The following NECTIN1 variants were observed in gnomAD, a reference collection of about 807,000 sequenced individuals.
NECTIN1 encodes the protein nectin-1.
A neutral mutation model predicts 48.0 loss-of-function variants in NECTIN1; 23 were observed. The ratio of observed to expected loss-of-function variants is 0.48; its 90% CI spans 0.34 to 0.68. The LOEUF (loss-of-function observed/expected upper bound fraction) is 0.68. Ranked by LOEUF, NECTIN1 falls within the 30% of genes least tolerant of loss-of-function variation. The pLI is 0.01. For missense variants in NECTIN1, 591 were observed against 709.9 expected (o/e 0.83, Z 1.90); for synonymous variants, 270 against 288.9 (o/e 0.93, Z 0.66).
In NECTIN1 at chr11:119,677,485, AAGGAGAGGAGGAGGG is replaced by A. The variant is rs1864974463; in HGVS notation, c.733+55_733+69del. On this transcript the variant is annotated intron_variant, in intron 3 of 5. Transcript: ENST00000264025. The surrounding 1 kb of genome is among the most constrained non-coding windows in gnomAD (Gnocchi z 5.4). ...CCCCCAGAAAGAGAAAGGGAGGAGAAAGGAGAGGAGGAGGGAGGAGGGACAGTGGCGCCCACCCCA... is the reference window on the plus strand; with the variant it reads ...CCCCCAGAAAGAGAAAGGGAGGAGAAAGGAGGGACAGTGGCGCCCACCCCA... 6.6e-7 allele frequency: 1 copy of A among 1,525,926 alleles called. No homozygotes were observed. Among genetic ancestry groups the A allele is most frequent in the Admixed American group, 1.7e-5 (1 of 59,640 alleles). The allele number at this position is 1,525,926 out of a possible 1,614,324, so 94.5% of individuals were successfully genotyped here.
intron 1 of NECTIN1, among the ~76,000 whole-genome samples, chr11:119,705,256 T>C (rs1865528665): frequency 1.3e-5 from 2 of 152,174 alleles, no homozygotes; most frequent in South Asian, 4.1e-4. Flanking sequence ...AGGGTATTCA[T>C]TTATTAAAAT....
intron 6 of NECTIN1, chr11:119,639,541 G>A (rs1257784731): frequency 1.2e-5 from 5 of 433,114 alleles, no homozygotes; most frequent in Non-Finnish European, 2.1e-5. Flanking sequence ...GTAAACTCTT[G>A]CAAATTATTT....
At chr11:119,704,129 C>A (rs539820812) in intron 1 of NECTIN1, among the ~76,000 whole-genome samples, 1 of 152,308 alleles carries the variant, frequency 6.6e-6, no homozygotes, top group African/African-American at 2.4e-5. Context: ...GTGCACCCCT[C>A]ACGCCCCACC....
chr11:119,641,587 C>T (rs1336619583), intron 5 of NECTIN1: 1 of 152,258 alleles, frequency 6.6e-6, no homozygotes, highest in Non-Finnish European at 1.5e-5. Flanking sequence ...CTTTCTTCCC[C>T]TTCTTTGCCA....
intron 1 of NECTIN1, among the ~76,000 whole-genome samples, chr11:119,682,542 C>T (rs1451411541): frequency 1.3e-5 from 2 of 152,186 alleles, no homozygotes; most frequent in Non-Finnish European, 2.9e-5. Flanking sequence ...CATTCCACCT[C>T]TGCCATTGAT....
At chr11:119,658,295 C>A (rs1864608790), downstream of NECTIN1, among the ~76,000 whole-genome samples, 2 of 152,246 alleles carry the variant, frequency 1.3e-5, no homozygotes, top group African/African-American at 4.8e-5. Flanking sequence ...AGCGCCTCAT[C>A]TGGGAGTAGT....
rs566061922 is a variant in NECTIN1, at chr11:119,712,569, T to A, written c.79+15906A>T. Among the ~76,000 whole-genome samples the A allele has an allele frequency of 8.6e-5, 13 of 151,148 alleles. No individual in the cohort carries two copies. In the South Asian group the frequency reaches 2.3e-3, roughly 27 times the overall value. On this transcript the variant is annotated intron_variant, in intron 1 of 5. Coordinates refer to ENST00000264025, the MANE Select transcript of NECTIN1 (RefSeq NM_002855.5). ...CTCAACCCTTCAAAAAGAGGGAAAC[T>A]TCAAAATCTTCAAAAAAAAAGGGGA... is the stretch of plus-strand genomic sequence containing the variant.
In NECTIN1 at chr11:119,677,441, A is replaced by G; in HGVS notation, c.733+114T>C. The G allele has an allele frequency of 8.1e-7, 1 of 1,230,658 alleles. No individual in the cohort carries two copies. The highest frequency in any genetic ancestry group is 1.2e-6 in the Non-Finnish European group (1 of 843,398). 76.2% of individuals were successfully genotyped at this position (1,230,658 alleles called of 1,614,324 possible). ...AGCAAAGGGAGGAGATAGGGGAGAC[A>G]GGAGGGGAGAAGAAAGCACCCCCAG... On this transcript the variant is annotated intron_variant, in intron 3 of 5. Transcript: ENST00000264025. This position sits in a 1 kb window ranked among gnomAD's most constrained non-coding sequence, Gnocchi z 5.4.
At chr11:119,696,443 G>A (rs1865342501) in intron 1 of NECTIN1, among the ~76,000 whole-genome samples, 1 of 152,218 alleles carries the variant, frequency 6.6e-6, no homozygotes. Flanking sequence ...CTGGGGTGGG[G>A]TTGGAGGAGG....
chr11:119,689,233 C>T (rs1477549670), intron 1 of NECTIN1, among the ~76,000 whole-genome samples: 1 of 152,198 alleles, frequency 6.6e-6, no homozygotes, highest in Admixed American at 6.5e-5. Context: ...GCGCTCCTCA[C>T]CCTGGGCCTG....
rs1290300459 is a variant in NECTIN1 at position 119,661,360 on chromosome 11, G to A, written c.*3387C>T. The A allele has an allele frequency of 1.0e-6, 1 of 986,512 alleles. No individual in the cohort carries two copies. Among genetic ancestry groups the A allele is most frequent in the Non-Finnish European group, 1.2e-6 (1 of 830,558 alleles). 61.1% of individuals were successfully genotyped at this position (986,512 alleles called of 1,614,324 possible). A position where few individuals can be genotyped will look rare whatever the true frequency, so the allele number is the denominator to read the frequency against. ...CACAAGCTGGGCAGTGTTGGCAGCA[G>A]TGGCAGCAGCAGAGGGGCCTGCCTC... is the stretch of plus-strand genomic sequence containing the variant. On this transcript the variant is annotated 3_prime_UTR_variant, in exon 6 of 6. Transcript: ENST00000264025.
At position 119,663,137 on chromosome 11, in the gene NECTIN1, C is replaced by G. The variant is rs114004441; in HGVS notation, c.*1610G>C. On this transcript the variant is annotated 3_prime_UTR_variant, in exon 6 of 6. Transcript: ENST00000264025. ...CCCAACACTTGCCATCCTGCAGAGC[C>G]CCTGACACCCTGGGGTGAGTTAACT... The G allele has an allele frequency of 3.4e-3, 3,396 of 985,540 alleles. 84 individuals carry two copies. The African/African-American group carries it at 0.054, about 16-fold the overall frequency. The allele number at this position is 985,540 out of a possible 1,614,324, so 61.0% of individuals were successfully genotyped here.
downstream of NECTIN1, among the ~76,000 whole-genome samples, chr11:119,657,185 G>A (rs868069368): frequency 6.6e-6 from 1 of 152,146 alleles, no homozygotes; most frequent in African/African-American, 2.4e-5. Context: ...GTTAACTCAT[G>A]GAATAACCCA....
rs544766816 is a variant in NECTIN1, at chr11:119,727,013, C to T, written c.79+1462G>A. 6.6e-6 allele frequency among the ~76,000 whole-genome samples: 1 copy of T among 152,220 alleles called. No individual in the cohort carries two copies. Among genetic ancestry groups the T allele is most frequent in the East Asian group, 1.9e-4 (1 of 5,180 alleles). On this transcript the variant is annotated intron_variant, in intron 1 of 5. Transcript: ENST00000264025. The surrounding 1 kb of genome is among the most constrained non-coding windows in gnomAD (Gnocchi z 4.1). ...TGACACCTGTGAGCCCTGGATTTTC[C>T]CCACCCCCCACATCGAGCAGGGCAG...
intron 5 of NECTIN1, among the ~76,000 whole-genome samples, chr11:119,666,685 CCA>C (rs1263094874): frequency 6.6e-6 from 1 of 152,242 alleles, no homozygotes; most frequent in Non-Finnish European, 1.5e-5. Context: ...ACGTAAAGGG[CCA>C]GTTTGCCCGT....
At position 119,709,043 on chromosome 11, in the gene NECTIN1, C is replaced by G. The variant is rs1159273707; in HGVS notation, c.79+19432G>C. 6.6e-6 allele frequency among the ~76,000 whole-genome samples: 1 copy of G among 152,036 alleles called. No homozygotes were observed. On this transcript the variant is annotated intron_variant, in intron 1 of 5. Transcript: ENST00000264025. The surrounding 1 kb of genome is among the most constrained non-coding windows in gnomAD (Gnocchi z 4.1). The stretch of plus-strand genomic sequence containing the variant: ...AGGGGGCACCGGAGAGATCCTGAGA[C>G]ACTCTACCCCCCACGCCCGCCCACA...
chr11:119,674,384 C>T (rs993100528), intron 5 of NECTIN1: 146 of 1,487,202 alleles, frequency 9.8e-5, no homozygotes, highest in Middle Eastern at 2.5e-4. Flanking sequence ...TGATGGAGGT[C>T]AGGGTAATAA....
chr11:119,668,335 G>A (rs1281721410), intron 5 of NECTIN1, among the ~76,000 whole-genome samples: 1 of 151,978 alleles, frequency 6.6e-6, no homozygotes, highest in Non-Finnish European at 1.5e-5. Context: ...CACCCCACCC[G>A]CAGTCACCAG....
chr11:119,661,607 T>C lies in NECTIN1; in HGVS notation c.*3140A>G, dbSNP rs1565381350. ...AGCTGCCCACACCCACCTAACACAA[T>C]TCCCAATTTCTCTGCTCTGAGGAAG... On this transcript the variant is annotated 3_prime_UTR_variant, in exon 6 of 6. Transcript: ENST00000264025. 1.0e-6 allele frequency: 1 copy of C among 985,814 alleles called. No individual in the cohort carries two copies. The highest frequency in any genetic ancestry group is 1.1e-4 in the East Asian group (1 of 8,816). The allele number at this position is 985,814 out of a possible 1,614,324, so 61.1% of individuals were successfully genotyped here.
Sources: allele counts gnomAD v4.1 joint callset (sites outside exome capture counted in the v4.1 genomes callset), GRCh38; gene constraint gnomAD v4.1.1; non-coding constraint Gnocchi (gnomAD v3.1); transcripts MANE v1.5; gene names NCBI Gene and HGNC (gene_info 2026-07-23, HGNC 2026-07-21).